ITSN1: variants seen among roughly 807,000 people sequenced by gnomAD.
The protein encoded by ITSN1 is intersectin-1.
In ITSN1, 58 loss-of-function variants were observed where a neutral mutation model predicts 239.8. That is an observed-to-expected ratio of 0.24 (90% CI 0.20 to 0.30). The LOEUF is 0.30. Ranked by LOEUF, ITSN1 falls within the 10% of genes least tolerant of loss-of-function variation. ITSN1 has a pLI of 1.00. For synonymous variants in ITSN1, 780 were observed against 770.8 expected (o/e 1.01, Z -0.20); for missense variants, 1,558 against 2,103.3 (o/e 0.74, Z 5.07).
intron 1 of ITSN1, among the ~76,000 whole-genome samples, chr21:33,669,282 C>A (rs996100131): frequency 1.1e-4 from 17 of 152,048 alleles, no homozygotes; most frequent in Non-Finnish European, 2.2e-4. Context: ...GGGGTTTCAC[C>A]ACATTGGCCA....
In ITSN1 at chr21:33,885,338, T is replaced by G. The variant is rs1985606211; in HGVS notation, c.4760-101T>G. ...TTTAAGGAGAGGGAAGAATTACTTT[T>G]GAGTCGGGAGAGGTACATGAAATGC... is the stretch of plus-strand genomic sequence containing the variant. On this transcript the variant is annotated intron_variant, in intron 37 of 39. Coordinates refer to ENST00000381318, the MANE Select transcript of ITSN1 (RefSeq NM_003024.3). 2.5e-6 allele frequency: 3 copies of G among 1,206,484 alleles called. No homozygotes were observed. In the African/African-American group the frequency reaches 4.5e-5, roughly 18 times the overall value. 74.7% of individuals were successfully genotyped at this position (1,206,484 alleles called of 1,614,324 possible).
At position 33,837,885 on chromosome 21, in the gene ITSN1, G is replaced by A. The variant is rs140851933; in HGVS notation, c.3661+1253G>A. On this transcript the variant is annotated intron_variant, in intron 29 of 39. Transcript: ENST00000381318. ...AAAATCAGTAGACAACACCACTGAG[G>A]TCGTTACGATCAACGATATCCACAG... The A allele has an allele frequency of 1.0e-3, 1,011 of 985,842 alleles. 4 individuals are homozygous for A. The African/African-American group carries it at 0.016, about 16-fold the overall frequency. The allele number at this position is 985,842 out of a possible 1,614,324, so 61.1% of individuals were successfully genotyped here.
At chr21:33,800,889 A>AACCTCTGCCTCC (rs2071946395) in intron 19 of ITSN1, among the ~76,000 whole-genome samples, 2 of 144,024 alleles carry the variant, frequency 1.4e-5, no homozygotes, top group Non-Finnish European at 3.1e-5. Context: ...ATATTGGCTC[A>AACCTCTGCCTCC]CTGCAACCTC....
intron 29 of ITSN1, among the ~76,000 whole-genome samples, chr21:33,841,368 C>T (rs1022878486): frequency 3.3e-5 from 5 of 150,726 alleles, no homozygotes; most frequent in African/African-American, 1.2e-4. Context: ...TATATCATCA[C>T]CTGGCACATG....
chr21:33,735,238 C>A (rs1450714069), intron 5 of ITSN1, 34 bp downstream of exon 5: 3 of 1,592,122 alleles, frequency 1.9e-6, no homozygotes, highest in Non-Finnish European at 2.6e-6. Context: ...TCTGTATTTT[C>A]TTGTATATTT....
chr21:33,672,099 C>A (rs377662320), intron 1 of ITSN1, among the ~76,000 whole-genome samples: 1 of 151,858 alleles, frequency 6.6e-6, no homozygotes. Flanking sequence ...ACAAAATTAG[C>A]CAGCGTGGTG....
chr21:33,816,794 G>C (rs890570615), intron 22 of ITSN1, among the ~76,000 whole-genome samples: 1 of 152,148 alleles, frequency 6.6e-6, no homozygotes. Context: ...GGGGGAAAAT[G>C]GAAGGTCGAG....
chr21:33,687,549 G>GT (rs985671529), intron 1 of ITSN1, among the ~76,000 whole-genome samples: 1 of 151,860 alleles, frequency 6.6e-6, no homozygotes, highest in African/African-American at 2.4e-5. Context: ...GGATTTTGTA[G>GT]TTTTTTAGGG....
At chr21:33,676,739 A>G (rs754683737) in intron 1 of ITSN1, among the ~76,000 whole-genome samples, 25 of 152,236 alleles carry the variant, frequency 1.6e-4, no homozygotes, top group Non-Finnish European at 3.4e-4. Context: ...TCTGAGGAGC[A>G]CTGGGAATTC....
chr21:33,668,718 T>A (rs898736070), intron 1 of ITSN1, among the ~76,000 whole-genome samples: 1 of 152,166 alleles, frequency 6.6e-6, no homozygotes, highest in Non-Finnish European at 1.5e-5. Flanking sequence ...TGTGGCCATA[T>A]CTGTAACTGT....
intron 31 of ITSN1, among the ~76,000 whole-genome samples, chr21:33,863,860 G>A (rs1256365792): frequency 6.6e-6 from 1 of 152,104 alleles, no homozygotes; most frequent in Non-Finnish European, 1.5e-5. Context: ...CCCTCAATGG[G>A]GCAGTGGCCT....
At chr21:33,731,621 T>A (rs2066189233) in intron 4 of ITSN1, among the ~76,000 whole-genome samples, 1 of 152,186 alleles carries the variant, frequency 6.6e-6, no homozygotes, top group African/African-American at 2.4e-5. Context: ...AATGACCAAC[T>A]TTATGCCAGA....
At chr21:33,873,472 C>G (rs1166443726) in intron 33 of ITSN1, among the ~76,000 whole-genome samples, 1 of 152,228 alleles carries the variant, frequency 6.6e-6, no homozygotes, top group African/African-American at 2.4e-5. Flanking sequence ...TTCTAAGGGC[C>G]AGGTGCTTTG....
chr21:33,879,785 T>C (rs1984600744), intron 34 of ITSN1, among the ~76,000 whole-genome samples: 1 of 152,082 alleles, frequency 6.6e-6, no homozygotes, highest in Admixed American at 6.5e-5. Flanking sequence ...GTTCAAGAGA[T>C]TCTCCTGCCT....
intron 4 of ITSN1, among the ~76,000 whole-genome samples, chr21:33,725,156 A>C (rs2065754359): frequency 1.2e-5 from 1 of 86,896 alleles, no homozygotes; most frequent in East Asian, 4.5e-4. Flanking sequence ...TTTTTTTGAG[A>C]TGGAGTTTTG....
At position 33,795,204 on chromosome 21, in the gene ITSN1, A is replaced by T. The variant is rs1300453829; in HGVS notation, c.1952+736A>T. ...GGTGGCTCACACCTGTAATCCCAGCACTTTGGGAGGCCGAGGTGGGCGGAT... is the reference window on the plus strand; with the variant it reads ...GGTGGCTCACACCTGTAATCCCAGCTCTTTGGGAGGCCGAGGTGGGCGGAT... On this transcript the variant is annotated intron_variant, in intron 17 of 39. Coordinates refer to ENST00000381318, the MANE Select transcript of ITSN1 (RefSeq NM_003024.3). Among the ~76,000 whole-genome samples the T allele has an allele frequency of 2.0e-5, 3 of 152,196 alleles. No individual in the cohort carries two copies. In the East Asian group the frequency reaches 5.8e-4, roughly 29 times the overall value.
chr21:33,732,772 A>G (rs957049565), intron 4 of ITSN1, among the ~76,000 whole-genome samples: 3 of 152,196 alleles, frequency 2.0e-5, no homozygotes, highest in African/African-American at 7.2e-5. Context: ...AAAATAAAAA[A>G]TGTTCTCTGT....
intron 5 of ITSN1, among the ~76,000 whole-genome samples, chr21:33,743,129 C>A (rs1465747243): frequency 6.6e-6 from 1 of 152,066 alleles, no homozygotes; most frequent in East Asian, 1.9e-4. Flanking sequence ...GGGATACTAA[C>A]TGAAGAAAAA....
intron 1 of ITSN1, among the ~76,000 whole-genome samples, chr21:33,687,817 C>T (rs1568939371): frequency 1.3e-5 from 2 of 152,202 alleles, no homozygotes; most frequent in South Asian, 4.1e-4. Context: ...AAGTAACATA[C>T]TTTGAGACTG....
Sources: gnomAD v4.1 joint callset for allele counts (sites outside exome capture counted in the v4.1 genomes callset) on GRCh38, gnomAD v4.1.1 for gene constraint, MANE v1.5 for transcripts, NCBI Gene and HGNC (gene_info 2026-07-23, HGNC 2026-07-21) for gene names.